MEMO1: variants seen among roughly 807,000 people sequenced by gnomAD.
MEMO1 encodes the protein protein MEMO1.
In MEMO1, 6 loss-of-function variants were observed where a neutral mutation model predicts 45.2. The observed-to-expected ratio is 0.13, with a 90% CI of 0.07 to 0.26. MEMO1 has a LOEUF of 0.26. Among genes scored for constraint, MEMO1 ranks in the 10% least tolerant of loss-of-function variants. The pLI, the probability that MEMO1 is intolerant of heterozygous loss-of-function variation, is 1.00. For missense variants in MEMO1, 184 were observed against 370.5 expected (o/e 0.50, Z 4.13); for synonymous variants, 78 against 124.3 (o/e 0.63, Z 2.48).
At chr2:31,994,900 ATTGTGCCAAGGCACTCGTGCC>A (rs1157201355) in intron 2 of MEMO1, among the ~76,000 whole-genome samples, 2 of 143,498 alleles carry the variant, frequency 1.4e-5, no homozygotes, top group African/African-American at 2.5e-5. Context: ...GTGAGCTGTG[ATTGTGCCAAGGCACTCGTGCC>A]TTGCGGTGGG....
chr2:31,978,490 T>C (rs1670268320), intron 2 of MEMO1, among the ~76,000 whole-genome samples: 1 of 152,262 alleles, frequency 6.6e-6, no homozygotes, highest in African/African-American at 2.4e-5. Context: ...CAGAAACTCA[T>C]GCTGGAGTGC....
At chr2:31,869,539 A>G (rs142147777) in intron 9 of MEMO1, among the ~76,000 whole-genome samples, 21 of 152,244 alleles carry the variant, frequency 1.4e-4, no homozygotes, top group East Asian at 3.9e-4. Context: ...TAATAAGACC[A>G]TATCTCTTAA....
chr2:31,947,820 C>T (rs1666363394), intron 2 of MEMO1, among the ~76,000 whole-genome samples: 1 of 152,164 alleles, frequency 6.6e-6, no homozygotes, highest in African/African-American at 2.4e-5. Flanking sequence ...AATACGCACA[C>T]ACACACACAC....
chr2:31,922,600 A>G (rs536849502), intron 4 of MEMO1, among the ~76,000 whole-genome samples: 9 of 151,892 alleles, frequency 5.9e-5, no homozygotes, highest in Admixed American at 4.6e-4. Flanking sequence ...CTAGTATTCC[A>G]TAAGTAGTTT....
intron 3 of MEMO1, among the ~76,000 whole-genome samples, chr2:31,935,207 C>A (rs1372937052): frequency 6.6e-6 from 1 of 152,128 alleles, no homozygotes; most frequent in African/African-American, 2.4e-5. Flanking sequence ...TCAGCCAGGA[C>A]TGCCTGGCTC....
intron 7 of MEMO1, among the ~76,000 whole-genome samples, chr2:31,889,656 T>C (rs1317698147): frequency 6.6e-6 from 1 of 152,114 alleles, no homozygotes; most frequent in African/African-American, 2.4e-5. Flanking sequence ...AGAATTACTG[T>C]GGTAGTGAAA....
rs972537469 is a variant in MEMO1 at position 31,969,602 on chromosome 2, T to G, written c.62-26219A>C. ...GTGTGTGTGGGTGTGTGTGTGTGTGTGTGTGTGTGTGTGTGTGTGTGTGTG... is the reference window on the plus strand; with the variant it reads ...GTGTGTGTGGGTGTGTGTGTGTGTGGGTGTGTGTGTGTGTGTGTGTGTGTG... On this transcript the variant is annotated intron_variant, in intron 2 of 9. Transcript: ENST00000404530. Among the ~76,000 whole-genome samples, 122 of 148,990 alleles carry G rather than the reference T, an allele frequency of 8.2e-4. 2 individuals are homozygous for G. Among genetic ancestry groups the G allele is most frequent in the South Asian group, 3.7e-3 (17 of 4,628 alleles).
chr2:31,923,805 C>T, intron 4 of MEMO1: 1 of 1,475,072 alleles, frequency 6.8e-7, no homozygotes, highest in Non-Finnish European at 9.0e-7. Flanking sequence ...ACATAAATTT[C>T]CTAAGTAAGT....
chr2:31,964,872 G>A (rs1668427538), intron 2 of MEMO1, among the ~76,000 whole-genome samples: 2 of 151,878 alleles, frequency 1.3e-5, no homozygotes, highest in Non-Finnish European at 2.9e-5. Flanking sequence ...CTTTTCACAG[G>A]TGTTCAAGTT....
intron 2 of MEMO1, among the ~76,000 whole-genome samples, chr2:32,002,100 T>C (rs1225649971): frequency 7.6e-6 from 1 of 131,362 alleles, no homozygotes; most frequent in Non-Finnish European, 1.5e-5. Flanking sequence ...AGCTGAGATC[T>C]CGCCAGTGCC....
intron 3 of MEMO1, among the ~76,000 whole-genome samples, chr2:31,936,078 C>T (rs1664885302): frequency 6.6e-6 from 1 of 152,128 alleles, no homozygotes; most frequent in Non-Finnish European, 1.5e-5. Flanking sequence ...ATTCTCCTGC[C>T]TCAGCCTCCC....
chr2:31,905,990 G>A (rs1679636154), intron 6 of MEMO1, among the ~76,000 whole-genome samples: 1 of 148,526 alleles, frequency 6.7e-6, no homozygotes, highest in South Asian at 2.1e-4. Flanking sequence ...TTTTTTTTGA[G>A]ACGGAGTCTC....
At chr2:31,945,021 G>T (rs949092978) in intron 2 of MEMO1, among the ~76,000 whole-genome samples, 1 of 152,030 alleles carries the variant, frequency 6.6e-6, no homozygotes, top group Non-Finnish European at 1.5e-5. Flanking sequence ...CTCCTTAGAG[G>T]TAACCACTTC....
chr2:31,916,200 T>C (rs745418004), intron 6 of MEMO1, among the ~76,000 whole-genome samples: 13 of 152,178 alleles, frequency 8.5e-5, no homozygotes, highest in African/African-American at 1.2e-4. Context: ...GAGGATATTG[T>C]TGTCAGTTTA....
At chr2:31,986,173 T>A (rs1412957054) in intron 2 of MEMO1, among the ~76,000 whole-genome samples, 2 of 152,112 alleles carry the variant, frequency 1.3e-5, no homozygotes, top group Non-Finnish European at 2.9e-5. Flanking sequence ...GGCAGGCAGA[T>A]CACGAGGTCA....
intron 6 of MEMO1, among the ~76,000 whole-genome samples, chr2:31,899,808 A>G (rs1687411258): frequency 6.6e-6 from 1 of 152,260 alleles, no homozygotes; most frequent in African/African-American, 2.4e-5. Flanking sequence ...AATATCTAGA[A>G]TCTACGAAGA....
At chr2:31,910,133 T>A (rs931063220) in intron 6 of MEMO1, among the ~76,000 whole-genome samples, 1 of 152,078 alleles carries the variant, frequency 6.6e-6, no homozygotes, top group East Asian at 1.9e-4. Context: ...AAAAACCCAC[T>A]AATTTAGAAT....
intron 2 of MEMO1, among the ~76,000 whole-genome samples, chr2:31,996,264 G>C (rs1672601555): frequency 6.6e-6 from 1 of 151,712 alleles, no homozygotes; most frequent in African/African-American, 2.4e-5. Flanking sequence ...AAAACTAAAA[G>C]AGGCATGGCA....
At chr2:31,919,877 T>A (rs1323930532) in intron 5 of MEMO1, among the ~76,000 whole-genome samples, 1 of 151,762 alleles carries the variant, frequency 6.6e-6, no homozygotes, top group Admixed American at 6.6e-5. Context: ...TGTGTTTATA[T>A]ATATACACAC....
Sources: gnomAD v4.1 joint callset for allele counts (sites outside exome capture counted in the v4.1 genomes callset) on GRCh38, gnomAD v4.1.1 for gene constraint, MANE v1.5 for transcripts, NCBI Gene and HGNC (gene_info 2026-07-23, HGNC 2026-07-21) for gene names.